SCN9A: variants seen among roughly 807,000 people sequenced by gnomAD.
The protein encoded by SCN9A is sodium channel protein type 9 subunit alpha.
Under a neutral mutation model 187.0 loss-of-function variants are expected in SCN9A, and 131 were observed. The observed-to-expected ratio is 0.70, with a 90% CI of 0.61 to 0.81. The LOEUF is 0.81. Among genes scored for constraint, SCN9A ranks in the 30% least tolerant of loss-of-function variants. The pLI, the probability that SCN9A is intolerant of heterozygous loss-of-function variation, is 0.00. For synonymous variants in SCN9A, 809 were observed against 808.6 expected (o/e 1.00, Z -0.01); for missense variants, 2,252 against 2,396.6 (o/e 0.94, Z 1.26).
In SCN9A at chr2:166,196,480, A is replaced by G. The variant is rs2106333244; in HGVS notation, c.*2192T>C. ...CCCATATTTTTTATTTTACATAAAA[A>G]CAAGGCAATGTAAAAACATTAATAG... On this transcript the variant is annotated 3_prime_UTR_variant, in exon 27 of 27. Coordinates refer to ENST00000642356, the MANE Select transcript of SCN9A (RefSeq NM_001365536.1). 6.6e-6 allele frequency: 1 copy of G among 152,282 alleles called. No individual in the cohort carries two copies. Among genetic ancestry groups the G allele is most frequent in the South Asian group, 2.1e-4 (1 of 4,826 alleles). 9.4% of individuals were successfully genotyped at this position (152,282 alleles called of 1,614,324 possible).
rs1039293937 is a variant in SCN9A at position 166,286,710 on chromosome 2, T to C, written c.1315-87A>G. The C allele has an allele frequency of 3.8e-5, 39 of 1,031,464 alleles. No individual in the cohort carries two copies. The African/African-American group carries it at 5.5e-4, about 15-fold the overall frequency. 63.9% of individuals were successfully genotyped at this position (1,031,464 alleles called of 1,614,324 possible). On this transcript the variant is annotated intron_variant, in intron 10 of 26. Coordinates refer to ENST00000642356, the MANE Select transcript of SCN9A (RefSeq NM_001365536.1). The stretch of plus-strand genomic sequence containing the variant: ...ACAGGACATCTTTCACCTATTAGCA[T>C]AACAACATGGTGCATATAATCATGT...
chr2:166,327,683 T>C (rs1699398430), intron 1 of SCN9A, among the ~76,000 whole-genome samples: 1 of 151,190 alleles, frequency 6.6e-6, no homozygotes, highest in Admixed American at 6.6e-5. Context: ...TCCTCTTTCC[T>C]CACTACAACA....
rs1020416981 is a variant in SCN9A at position 166,263,987 on chromosome 2, G to A, written c.3351+8412C>T. Among the ~76,000 whole-genome samples, 5 of 152,086 alleles carry A rather than the reference G, an allele frequency of 3.3e-5. No individual in the cohort carries two copies. The East Asian group carries it at 9.7e-4, about 30-fold the overall frequency. On this transcript the variant is annotated intron_variant, in intron 17 of 26. Transcript: ENST00000642356. ...AGAACTGGCAAAAGAATAAATTTCT[G>A]TTGTTGTAAGCCACTGAGTTTTGCT...
At chr2:166,277,639 T>G in intron 15 of SCN9A, 1 of 294,712 alleles carries the variant, frequency 3.4e-6, no homozygotes, top group Non-Finnish European at 6.3e-6. Context: ...TGATAATTTA[T>G]CCTTAATTCT....
intron 18 of SCN9A, among the ~76,000 whole-genome samples, chr2:166,243,815 A>G (rs976191190): frequency 1.3e-5 from 2 of 152,030 alleles, no homozygotes; most frequent in African/African-American, 4.8e-5. Flanking sequence ...TGCAATGTAA[A>G]TAGATGTCTC....
chr2:166,196,245 C>G lies in SCN9A; in HGVS notation c.*2427G>C, dbSNP rs1173665412. On this transcript the variant is annotated 3_prime_UTR_variant, in exon 27 of 27. Transcript: ENST00000642356. ...TGGAAAGAGAGGTCTAATTTTACTT[C>G]AAGCTTATACTTAATAAGCTCTTTC... The G allele has an allele frequency of 6.6e-6, 1 of 152,010 alleles. No homozygotes were observed. The highest frequency in any genetic ancestry group is 2.4e-5 in the African/African-American group (1 of 41,404). 9.4% of individuals were successfully genotyped at this position (152,010 alleles called of 1,614,324 possible).
At chr2:166,373,153 G>A (rs1300462915) in intron 1 of SCN9A, among the ~76,000 whole-genome samples, 2 of 152,076 alleles carry the variant, frequency 1.3e-5, no homozygotes, top group Non-Finnish European at 2.9e-5. Context: ...CCACGACCTG[G>A]GCAGGAGCAC....
chr2:166,207,428 T>G (rs866389876), intron 24 of SCN9A, among the ~76,000 whole-genome samples: 7 of 150,058 alleles, frequency 4.7e-5, no homozygotes, highest in South Asian at 2.1e-4. Flanking sequence ...TTAGAGTGTT[T>G]TTGTTGTTGT....
intron 17 of SCN9A, among the ~76,000 whole-genome samples, chr2:166,261,376 C>G (rs1318286344): frequency 6.6e-6 from 1 of 151,910 alleles, no homozygotes; most frequent in Non-Finnish European, 1.5e-5. Flanking sequence ...ATAAGGATCT[C>G]TGGGAAAGTT....
At chr2:166,208,038 A>C (rs1470413903) in intron 24 of SCN9A, among the ~76,000 whole-genome samples, 1 of 152,232 alleles carries the variant, frequency 6.6e-6, no homozygotes, top group Non-Finnish European at 1.5e-5. Context: ...GAAGAATGGG[A>C]TAAAACTAAT....
At chr2:166,250,994 G>T (rs1038380788) in intron 18 of SCN9A, among the ~76,000 whole-genome samples, 2 of 148,290 alleles carry the variant, frequency 1.3e-5, no homozygotes, top group Non-Finnish European at 3.0e-5. Flanking sequence ...TTTTGTTTTT[G>T]TTTTTGCTTT....
At chr2:166,354,811 G>A (rs568648416) in intron 1 of SCN9A, among the ~76,000 whole-genome samples, 1 of 152,190 alleles carries the variant, frequency 6.6e-6, no homozygotes, top group African/African-American at 2.4e-5. Flanking sequence ...TTTGCAGAAA[G>A]TTGCACATGT....
At chr2:166,317,756 C>T (rs1699142546) in intron 1 of SCN9A, among the ~76,000 whole-genome samples, 1 of 152,058 alleles carries the variant, frequency 6.6e-6, no homozygotes, top group African/African-American at 2.4e-5. Context: ...TGGTCTTATC[C>T]CATGTGTTTA....
chr2:166,214,766 G>A (rs1016375583), intron 24 of SCN9A, among the ~76,000 whole-genome samples: 3 of 150,840 alleles, frequency 2.0e-5, no homozygotes, highest in Non-Finnish European at 3.0e-5. Flanking sequence ...CGCCCGCCTC[G>A]GCCTCCCAAA....
At chr2:166,292,070 T>C (rs947444490) in intron 9 of SCN9A, among the ~76,000 whole-genome samples, 2 of 151,940 alleles carry the variant, frequency 1.3e-5, no homozygotes, top group Admixed American at 1.3e-4. Context: ...AATTGACAAA[T>C]GGGATATAAC....
At chr2:166,341,285 AGC>A in intron 1 of SCN9A, among the ~76,000 whole-genome samples, 1 of 152,226 alleles carries the variant, frequency 6.6e-6, no homozygotes, top group East Asian at 1.9e-4. Flanking sequence ...TTTCACATAT[AGC>A]AATGCTCTAA....
intron 1 of SCN9A, among the ~76,000 whole-genome samples, chr2:166,320,350 C>G (rs1380912764): frequency 6.6e-6 from 1 of 152,128 alleles, no homozygotes; most frequent in African/African-American, 2.4e-5. Context: ...TAAGTAGAAA[C>G]TGTTCTGTTA....
rs1330132772 is a variant in SCN9A, at chr2:166,361,067, A to T, written c.-51+14630T>A. Among the ~76,000 whole-genome samples the T allele has an allele frequency of 2.0e-5, 3 of 152,148 alleles. No individual in the cohort carries two copies. In the East Asian group the frequency reaches 5.8e-4, roughly 29 times the overall value. ...CTTATGTCCTTGGGGAATTTAATTA[A>T]CTTCTCTAAAGCTCAGTTCTTATAT... On this transcript the variant is annotated intron_variant, in intron 1 of 26. Coordinates refer to ENST00000642356, the MANE Select transcript of SCN9A (RefSeq NM_001365536.1).
intron 24 of SCN9A, 25 bp downstream of exon 24, chr2:166,226,542 A>C (rs1373643617): frequency 6.8e-7 from 1 of 1,475,162 alleles, no homozygotes; most frequent in Middle Eastern, 1.9e-4. Flanking sequence ...CTTTCATTAC[A>C]ATGAAAAATA....
Sources: allele counts gnomAD v4.1 joint callset (sites outside exome capture counted in the v4.1 genomes callset), GRCh38; gene constraint gnomAD v4.1.1; transcripts MANE v1.5; gene names NCBI Gene and HGNC (gene_info 2026-07-23, HGNC 2026-07-21).